The following VAMP4 variants were observed in gnomAD, a reference collection of about 807,000 sequenced individuals.
VAMP4 encodes the protein vesicle associated membrane protein 4.
Under a neutral mutation model 23.5 loss-of-function variants are expected in VAMP4, and 19 were observed. The ratio of observed to expected loss-of-function variants is 0.81; its 90% confidence interval spans 0.56 to 1.19. VAMP4 has a LOEUF of 1.19. VAMP4 is among the 50% of genes most tolerant of loss of function. VAMP4 has a pLI of 0.00. For missense variants in VAMP4, 145 were observed against 168.6 expected (o/e 0.86, Z 0.78); for synonymous variants, 31 against 51.0 (o/e 0.61, Z 1.67).
chr1:171,706,357 A>G lies in VAMP4; in HGVS notation c.397+10T>C, dbSNP rs1329326490. On this transcript the variant is annotated intron_variant, in intron 7 of 7. Transcript: ENST00000236192. Reference sequence around the variant, plus strand: ...ATACCCTAGGAAGTAATAATCCAATAAATACTTACTGATAATCACTAGCAA... The same window carrying G: ...ATACCCTAGGAAGTAATAATCCAATGAATACTTACTGATAATCACTAGCAA... 2 of 1,604,160 alleles carry G rather than the reference A, an allele frequency of 1.2e-6. No homozygotes were observed. The highest frequency in any genetic ancestry group is 4.5e-5 in the East Asian group (2 of 44,588).
Position 171,725,537 on chromosome 1 carries a change from C to T in VAMP4, c.113+2987G>A, listed in dbSNP as rs557469560. Reference sequence around the variant, plus strand: ...TTTTCACCACAAGTAGCATTGTAGGCAATTCACTTTGTGACTCTATAGCAA... The same window carrying T: ...TTTTCACCACAAGTAGCATTGTAGGTAATTCACTTTGTGACTCTATAGCAA... On this transcript the variant is annotated intron_variant, in intron 3 of 7. Transcript: ENST00000236192. Among the ~76,000 whole-genome samples the T allele has an allele frequency of 3.3e-5, 5 of 152,252 alleles. No homozygotes were observed. The East Asian group carries it at 9.7e-4, about 29-fold the overall frequency.
intron 4 of VAMP4, among the ~76,000 whole-genome samples, chr1:171,711,772 A>T (rs7554793): frequency 0.18 from 27,035 of 152,172 alleles, 3,099 homozygotes; most frequent in African/African-American, 0.33. Flanking sequence ...TCCTCATACT[A>T]AACACTGTTT....
At chr1:171,728,127 GT>G (rs1655435280) in intron 3 of VAMP4, among the ~76,000 whole-genome samples, 1 of 152,174 alleles carries the variant, frequency 6.6e-6, no homozygotes, top group Admixed American at 6.6e-5. Flanking sequence ...CAATTCATAA[GT>G]TTTAAATTGT....
rs1046446406 is a variant in VAMP4 at position 171,705,262 on chromosome 1, T to G, written c.398-728A>C. ...TCAAGGCCAACAGCACTATAATTCA[T>G]GCCTGAACAAAAGTTTGCCTAATGT... On this transcript the variant is annotated intron_variant, in intron 7 of 7. Coordinates refer to ENST00000236192, the MANE Select transcript of VAMP4 (RefSeq NM_003762.5). Among the ~76,000 whole-genome samples, 3 of 152,150 alleles carry G rather than the reference T, an allele frequency of 2.0e-5. No homozygotes were observed. The East Asian group carries it at 5.8e-4, about 29-fold the overall frequency.
intron 2 of VAMP4, among the ~76,000 whole-genome samples, chr1:171,731,871 C>G (rs1655577506): frequency 6.6e-6 from 1 of 152,052 alleles, no homozygotes; most frequent in African/African-American, 2.4e-5. Context: ...AATTTTAGGA[C>G]AAAGTATTAA....
At position 171,738,551 on chromosome 1, in the gene VAMP4, C is replaced by G. The variant is rs79035795; in HGVS notation, c.-49-88G>C. ...ACAGTGTACATGAAACCCTGTATGA[C>G]AGGGACTCCCTCATTTTTCTGACTT... On this transcript the variant is annotated intron_variant, in intron 1 of 7. Transcript: ENST00000236192. 2,241 of 776,002 alleles carry G rather than the reference C, an allele frequency of 2.9e-3. 44 individuals carry two copies. In the African/African-American group the frequency reaches 0.036, roughly 13 times the overall value. 48.1% of individuals were successfully genotyped at this position (776,002 alleles called of 1,614,324 possible).
At chr1:171,712,702 C>A in intron 4 of VAMP4, among the ~76,000 whole-genome samples, 1 of 152,156 alleles carries the variant, frequency 6.6e-6, no homozygotes, top group East Asian at 1.9e-4. Context: ...TGTTGCAACT[C>A]CTAATCCCCT....
At chr1:171,721,517 A>T (rs1387269486) in intron 3 of VAMP4, among the ~76,000 whole-genome samples, 2 of 152,204 alleles carry the variant, frequency 1.3e-5, no homozygotes, top group Admixed American at 1.3e-4. Flanking sequence ...ACATTTTAAA[A>T]TTTTGAAACA....
At position 171,703,367 on chromosome 1, in the gene VAMP4, C is replaced by CGACT. The variant is rs1012517625; in HGVS notation, c.*1135_*1138dup. On this transcript the variant is annotated 3_prime_UTR_variant, in exon 8 of 8. Transcript: ENST00000236192. ...TGGTCACTCTCTAGCATTTGGTTACCGACTGACTGATTATCATATGTGTGC... is the reference window on the plus strand; with the variant it reads ...TGGTCACTCTCTAGCATTTGGTTACCGACTGACTGACTGATTATCATATGTGTGC... 7.3e-6 allele frequency: 1 copy of CGACT among 136,354 alleles called. No individual in the cohort carries two copies. The highest frequency in any genetic ancestry group is 2.4e-4 in the South Asian group (1 of 4,094). The allele number at this position is 136,354 out of a possible 1,614,324, so 8.4% of individuals were successfully genotyped here. A position where few individuals can be genotyped will look rare whatever the true frequency, so the allele number is the denominator to read the frequency against.
intron 1 of VAMP4, among the ~76,000 whole-genome samples, chr1:171,740,650 A>C (rs1227936338): frequency 2.0e-5 from 3 of 152,192 alleles, no homozygotes; most frequent in African/African-American, 7.2e-5. Context: ...AATGTAACAG[A>C]ATGCATGGAA....
chr1:171,713,957 T>G (rs1654944716), intron 4 of VAMP4, among the ~76,000 whole-genome samples: 1 of 152,204 alleles, frequency 6.6e-6, no homozygotes, highest in Non-Finnish European at 1.5e-5. Context: ...CTCAACAACA[T>G]GGCACACATG....
rs1441041968 is a variant in VAMP4 at position 171,723,449 on chromosome 1, T to C, written c.114-4228A>G. Among the ~76,000 whole-genome samples the C allele has an allele frequency of 9.9e-5, 15 of 152,276 alleles. 1 individual carries two copies. The highest frequency in any genetic ancestry group is 8.3e-4 in the South Asian group (4 of 4,826). On this transcript the variant is annotated intron_variant, in intron 3 of 7. Coordinates refer to ENST00000236192, the MANE Select transcript of VAMP4 (RefSeq NM_003762.5). ...GAGCAGCCATTTTAGAAACCTCCCC[T>C]AGGAATGCATTCTCTTTCTCAGGAC... is the stretch of plus-strand genomic sequence containing the variant.
In VAMP4 at chr1:171,702,286, C is replaced by T. The variant is rs1291041392; in HGVS notation, c.*2220G>A. The T allele has an allele frequency of 6.6e-6, 1 of 151,970 alleles. No homozygotes were observed. Among genetic ancestry groups the T allele is most frequent in the Non-Finnish European group, 1.5e-5 (1 of 67,902 alleles). 9.4% of individuals were successfully genotyped at this position (151,970 alleles called of 1,614,324 possible). A position where few individuals can be genotyped will look rare whatever the true frequency, so the allele number is the denominator to read the frequency against. The stretch of plus-strand genomic sequence containing the variant: ...GAAAGATGAAATGATGAATTACAAA[C>T]CAAGCCATCACTACTACAAAGTTCC... On this transcript the variant is annotated 3_prime_UTR_variant, in exon 8 of 8. Transcript: ENST00000236192.
chr1:171,727,446 T>A (rs1301899303), intron 3 of VAMP4, among the ~76,000 whole-genome samples: 1 of 152,090 alleles, frequency 6.6e-6, no homozygotes, highest in African/African-American at 2.4e-5. Context: ...ATGGCTAGAA[T>A]GAAAGAGGCT....
At position 171,733,725 on chromosome 1, in the gene VAMP4, G is replaced by C. The variant is rs549495482; in HGVS notation, c.66+4624C>G. On this transcript the variant is annotated intron_variant, in intron 2 of 7. Coordinates refer to ENST00000236192, the MANE Select transcript of VAMP4 (RefSeq NM_003762.5). Reference sequence around the variant, plus strand: ...GAAATTAGAATCATCATACATTGCCGGTGAGAATGTAAAAATTGTACAACC... The same window carrying C: ...GAAATTAGAATCATCATACATTGCCCGTGAGAATGTAAAAATTGTACAACC... 1.5e-4 allele frequency among the ~76,000 whole-genome samples: 23 copies of C among 152,238 alleles called. 1 individual carries two copies. Among genetic ancestry groups the C allele is most frequent in the Non-Finnish European group, 1.2e-4 (8 of 68,016 alleles).
chr1:171,715,281 C>A (rs1654992363), intron 4 of VAMP4, among the ~76,000 whole-genome samples: 2 of 152,100 alleles, frequency 1.3e-5, no homozygotes, highest in African/African-American at 4.8e-5. Flanking sequence ...AAAGGCTATT[C>A]ATATAAGATA....
intron 1 of VAMP4, among the ~76,000 whole-genome samples, chr1:171,741,051 CAT>C (rs1290114315): frequency 7.9e-5 from 12 of 152,190 alleles, no homozygotes; most frequent in South Asian, 2.1e-4. Flanking sequence ...CAAAAAAAGA[CAT>C]GTGAATTCAG....
intron 4 of VAMP4, among the ~76,000 whole-genome samples, chr1:171,711,212 T>C (rs1303728962): frequency 6.6e-6 from 1 of 152,108 alleles, no homozygotes; most frequent in African/African-American, 2.4e-5. Context: ...TGCCATATAT[T>C]TCATACATGA....
chr1:171,733,803 CA>C (rs1356774192), intron 2 of VAMP4, among the ~76,000 whole-genome samples: 25 of 152,188 alleles, frequency 1.6e-4, no homozygotes, highest in African/African-American at 5.1e-4. Flanking sequence ...AGAGTTACTA[CA>C]ATACTCAGCA....
Sources: allele counts gnomAD v4.1 joint callset (sites outside exome capture counted in the v4.1 genomes callset), GRCh38; gene constraint gnomAD v4.1.1; transcripts MANE v1.5; gene names NCBI Gene and HGNC (gene_info 2026-07-23, HGNC 2026-07-21).